The following SLC6A4 variants were observed in gnomAD, a reference collection of about 807,000 sequenced individuals.
The protein encoded by SLC6A4 is sodium-dependent serotonin transporter.
SLC6A4 carries 22 observed loss-of-function variants against 73.4 expected under a neutral mutation model. That is an observed-to-expected ratio of 0.30 (90% CI 0.21 to 0.43). SLC6A4 has a LOEUF of 0.43. SLC6A4 is among the 20% of genes least tolerant of loss of function. SLC6A4 has a pLI of 1.00. For synonymous variants in SLC6A4, 270 were observed against 315.5 expected (o/e 0.86, Z 1.53); for missense variants, 593 against 808.5 (o/e 0.73, Z 3.23).
chr17:30,210,410 C>G, intron 11 of SLC6A4, 105 bp downstream of exon 11: 1 of 1,295,030 alleles, frequency 7.7e-7, no homozygotes, highest in Non-Finnish European at 1.1e-6. Flanking sequence ...CTCCTTTGGT[C>G]CCAAAGCCAG....
chr17:30,217,836 A>G (rs548129118), intron 5 of SLC6A4, among the ~76,000 whole-genome samples: 3 of 152,352 alleles, frequency 2.0e-5, no homozygotes, highest in South Asian at 4.1e-4. Context: ...GGACCCCGGA[A>G]GAAGGGGAGT....
chr17:30,200,810 G>T (rs113018769), intron 14 of SLC6A4, among the ~76,000 whole-genome samples: 6 of 152,036 alleles, frequency 3.9e-5, no homozygotes, highest in Non-Finnish European at 8.8e-5. Context: ...ACAGAGTCTC[G>T]CTCTGTTGCC....
intron 1 of SLC6A4, among the ~76,000 whole-genome samples, chr17:30,229,182 C>G (rs55682915): frequency 1.2e-3 from 185 of 152,276 alleles, no homozygotes; most frequent in African/African-American, 4.3e-3. Context: ...ACTGACATGC[C>G]CAGGATTAAA....
chr17:30,203,410 C>A, intron 13 of SLC6A4, 71 bp from the exon 14 acceptor site: 1 of 1,239,794 alleles, frequency 8.1e-7, no homozygotes, highest in South Asian at 1.3e-5. Flanking sequence ...TTTCCGATAC[C>A]ACAAACACCA....
At position 30,211,410 on chromosome 17, in the gene SLC6A4, A is replaced by G; in HGVS notation, c.1219T>C (p.Phe407Leu). 1.9e-6 allele frequency: 3 copies of G among 1,612,790 alleles called. No homozygotes were observed. Among genetic ancestry groups the G allele is most frequent in the Non-Finnish European group, 1.7e-6 (2 of 1,178,798 alleles). ...VAKDAGPSLL[F>L]ITYAEAIANM... Reference sequence around the variant, plus strand: ...GCTATCGCTTCTGCATACGTGATGAAGAGGAGGCTGGGACCTGAGACAGAG... The same window carrying G: ...GCTATCGCTTCTGCATACGTGATGAGGAGGAGGCTGGGACCTGAGACAGAG... The change falls in exon 10 of 15, where the codon TTC becomes CTC. Residue 407 changes from phenylalanine (F) to leucine (L), a missense_variant. Coordinates refer to ENST00000650711, the MANE Select transcript of SLC6A4 (RefSeq NM_001045.6). This position sits in a 1 kb window ranked among gnomAD's most constrained non-coding sequence, Gnocchi z 4.0.
At chr17:30,204,752 G>A (rs574126745) in intron 13 of SLC6A4, among the ~76,000 whole-genome samples, 42 of 152,326 alleles carry the variant, frequency 2.8e-4, no homozygotes, top group African/African-American at 9.6e-4. Context: ...TTAAGTGAAC[G>A]TAGAAGTGGA....
chr17:30,221,882 A>T lies in SLC6A4; in HGVS notation c.77T>A (p.Val26Asp). 1 of 1,613,336 alleles carries T rather than the reference A, an allele frequency of 6.2e-7. No homozygotes were observed. Among genetic ancestry groups the T allele is most frequent in the African/African-American group, 1.3e-5 (1 of 74,700 alleles). The change falls in exon 3 of 15, where the codon GTT becomes GAT. Residue 26 changes from valine (V) to aspartate (D), a missense_variant. Physicochemically the swap from Val to Asp is radical, Grantham distance 152. Coordinates refer to ENST00000650711, the MANE Select transcript of SLC6A4 (RefSeq NM_001045.6). ...EDGEDCQENG[V>D]LQKVVPTPGD... ...TGGGGTGGGAACAACCTTCTGTAGA[A>T]CTCCGTTTTCCTGACAATCTTCTCC...
intron 2 of SLC6A4, 50 bp from the exon 3 acceptor site, chr17:30,222,131 C>A (rs755296880): frequency 2.4e-6 from 3 of 1,234,642 alleles, no homozygotes; most frequent in Non-Finnish European, 3.4e-6. Flanking sequence ...ACATTTTACT[C>A]ATCTTTGGTA....
intron 1 of SLC6A4, among the ~76,000 whole-genome samples, chr17:30,231,071 T>C (rs1176555566): frequency 1.3e-5 from 2 of 152,068 alleles, no homozygotes; most frequent in African/African-American, 2.4e-5. Flanking sequence ...AAGGACATCA[T>C]TGAGACAGCG....
chr17:30,208,023 G>A (rs1026941145), intron 12 of SLC6A4, among the ~76,000 whole-genome samples, 191 bp from the exon 13 acceptor site: 4 of 152,132 alleles, frequency 2.6e-5, no homozygotes, highest in East Asian at 1.9e-4. Flanking sequence ...GGAGTACAGC[G>A]ACAACAATCT....
chr17:30,213,002 C>T (rs979419100), intron 8 of SLC6A4, 135 bp from the exon 9 acceptor site: 4 of 901,426 alleles, frequency 4.4e-6, no homozygotes, highest in South Asian at 3.3e-5. Context: ...CAAGGAACCT[C>T]AAGCCTGTCC....
intron 1 of SLC6A4, among the ~76,000 whole-genome samples, chr17:30,224,202 C>T (rs1169298147): frequency 6.6e-6 from 1 of 151,996 alleles, no homozygotes; most frequent in Non-Finnish European, 1.5e-5. Flanking sequence ...CCTTGCTCTT[C>T]CTCCCACTGG....
Position 30,218,936 on chromosome 17 carries a change from G to A in SLC6A4, c.344-5C>T, listed in dbSNP as rs745538999. The A allele has an allele frequency of 6.2e-6, 10 of 1,613,904 alleles. No homozygotes were observed. In the South Asian group the frequency reaches 1.1e-4, roughly 18 times the overall value. On this transcript the variant is annotated splice_polypyrimidine_tract_variant and splice_region_variant and intron_variant, in intron 3 of 14. Transcript: ENST00000650711. ...TGTAGGGGAGGAGGAATGCCCCTGA[G>A]GCAGATGAAAGACAATTTCACTCCC...
chr17:30,219,056 G>A (rs1249184776), intron 3 of SLC6A4, 125 bp from the exon 4 acceptor site: 1 of 1,107,950 alleles, frequency 9.0e-7, no homozygotes, highest in Non-Finnish European at 1.3e-6. Context: ...TGGGCTGAGT[G>A]GCCTCATGCT....
chr17:30,204,773 G>T (rs892826291), intron 13 of SLC6A4, among the ~76,000 whole-genome samples: 1 of 152,160 alleles, frequency 6.6e-6, no homozygotes, highest in African/African-American at 2.4e-5. Flanking sequence ...AGACAGATTT[G>T]CCTCTCTCAG....
rs1234594653 is a variant in SLC6A4, at chr17:30,207,791, A to G, written c.1591T>C (p.Phe531Leu). The change falls in exon 13 of 15, where the codon TTC becomes CTC. Residue 531 changes from phenylalanine (F) to leucine (L), a missense_variant. By Grantham distance (22) the Phe-to-Leu change is conservative. Coordinates refer to ENST00000650711, the MANE Select transcript of SLC6A4 (RefSeq NM_001045.6). ...FCRDVKEMLG[F>L]SPGWFWRICW... is the part of the protein sequence containing the mutation. The stretch of plus-strand genomic sequence containing the variant: ...ATCCTCCAGAACCACCCCGGGCTGA[A>G]GCCGAGCATTTCCTTCACGTCCCTG... 1 of 1,614,136 alleles carries G rather than the reference A, an allele frequency of 6.2e-7. No individual in the cohort carries two copies. The highest frequency in any genetic ancestry group is 1.7e-5 in the Admixed American group (1 of 60,020).
At position 30,210,636 on chromosome 17, in the gene SLC6A4, A is replaced by G; in HGVS notation, c.1328T>C (p.Leu443Ser). 6.2e-7 allele frequency: 1 copy of G among 1,612,214 alleles called. No individual in the cohort carries two copies. Among genetic ancestry groups the G allele is most frequent in the Non-Finnish European group, 8.5e-7 (1 of 1,179,106 alleles). The change falls in exon 11 of 15, where the codon TTG becomes TCG. Residue 443 changes from leucine (L) to serine (S), a missense_variant. Coordinates refer to ENST00000650711, the MANE Select transcript of SLC6A4 (RefSeq NM_001045.6). ...TLGLDSTFAG[L>S]EGVITAVLDE... The stretch of plus-strand genomic sequence containing the variant: ...CAGCACAGCCGTGATCACCCCCTCC[A>G]AGCCTGCAAACTGAGAGGTACAGGC...
Position 30,195,004 on chromosome 17 carries a change from A to G in SLC6A4, c.*3452T>C, listed in dbSNP as rs1168608606. 6.6e-6 allele frequency: 1 copy of G among 152,230 alleles called. No homozygotes were observed. Among genetic ancestry groups the G allele is most frequent in the Non-Finnish European group, 1.5e-5 (1 of 68,044 alleles). 9.4% of individuals were successfully genotyped at this position (152,230 alleles called of 1,614,324 possible). ...TTAAAAAAATACTTGCATTGGTGGT[A>G]GAGCAGCTTGGCATAGATTCTGTGA... is the stretch of plus-strand genomic sequence containing the variant. On this transcript the variant is annotated 3_prime_UTR_variant, in exon 15 of 15. Coordinates refer to ENST00000650711, the MANE Select transcript of SLC6A4 (RefSeq NM_001045.6).
chr17:30,209,630 G>A (rs1479724241), intron 11 of SLC6A4, among the ~76,000 whole-genome samples: 2 of 147,022 alleles, frequency 1.4e-5, no homozygotes, highest in Non-Finnish European at 3.0e-5. Context: ...GGGGGACAGA[G>A]CAAGACTCTG....
Sources: gnomAD v4.1 joint callset for allele counts (sites outside exome capture counted in the v4.1 genomes callset) on GRCh38, gnomAD v4.1.1 for gene constraint, Gnocchi (gnomAD v3.1) non-coding constraint, MANE v1.5 for transcripts, NCBI Gene and HGNC (gene_info 2026-07-23, HGNC 2026-07-21) for gene names.